SLC24A2: variants seen among roughly 807,000 people sequenced by gnomAD.
SLC24A2 encodes sodium/potassium/calcium exchanger 2.
A neutral mutation model predicts 62.0 loss-of-function variants in SLC24A2; 36 were observed. The ratio of observed to expected loss-of-function variants is 0.58; its 90% CI spans 0.44 to 0.77. The LOEUF is 0.77. SLC24A2 is among the 30% of genes least tolerant of loss of function. SLC24A2 has a pLI of 0.00. For missense variants in SLC24A2, 846 were observed against 817.9 expected (o/e 1.03, Z -0.42); for synonymous variants, 358 against 294.0 (o/e 1.22, Z -2.23).
the SLC24A2 span, among the ~76,000 whole-genome samples, chr9:19,996,900 G>A: frequency 1.3e-5 from 2 of 152,036 alleles, no homozygotes; most frequent in African/African-American, 4.8e-5. Flanking sequence ...ATTAAACTAA[G>A]TAGCAACATT....
the SLC24A2 span, among the ~76,000 whole-genome samples, chr9:20,149,117 T>C: frequency 6.6e-6 from 1 of 152,038 alleles, no homozygotes; most frequent in African/African-American, 2.4e-5. Context: ...TGAGCAGATT[T>C]GTATAACAAA....
At chr9:20,089,399 T>C in the SLC24A2 span, among the ~76,000 whole-genome samples, 1 of 151,514 alleles carries the variant, frequency 6.6e-6, no homozygotes, top group African/African-American at 2.4e-5. Context: ...AATCTTAGAG[T>C]CAAACCACAA....
At chr9:20,285,359 T>C in the SLC24A2 span, among the ~76,000 whole-genome samples, 2 of 152,346 alleles carry the variant, frequency 1.3e-5, no homozygotes, top group Middle Eastern at 3.4e-3. Flanking sequence ...GACATTGATA[T>C]GCAGAGTGAA....
At chr9:19,799,690 G>A in the SLC24A2 span, among the ~76,000 whole-genome samples, 3 of 152,150 alleles carry the variant, frequency 2.0e-5, no homozygotes, top group Admixed American at 6.5e-5. Context: ...AGCATGGCTC[G>A]TAATGAAGTC....
the SLC24A2 span, among the ~76,000 whole-genome samples, chr9:20,185,052 A>T: frequency 6.6e-6 from 1 of 152,188 alleles, no homozygotes; most frequent in African/African-American, 2.4e-5. Flanking sequence ...AGCTGAACTT[A>T]CGCAAGCAGA....
At chr9:20,251,310 T>C in the SLC24A2 span, among the ~76,000 whole-genome samples, 3 of 152,020 alleles carry the variant, frequency 2.0e-5, no homozygotes, top group Non-Finnish European at 2.9e-5. Context: ...TAGTATCCTT[T>C]ATAGAAGCAG....
the SLC24A2 span, among the ~76,000 whole-genome samples, chr9:20,149,970 G>C: frequency 6.6e-6 from 1 of 152,048 alleles, no homozygotes; most frequent in Non-Finnish European, 1.5e-5. Flanking sequence ...GAACATGGTA[G>C]CATTGTCACT....
the SLC24A2 span, among the ~76,000 whole-genome samples, chr9:19,870,515 G>A: frequency 1.3e-5 from 2 of 152,036 alleles, no homozygotes; most frequent in Non-Finnish European, 2.9e-5. Flanking sequence ...TTTCTCTTGG[G>A]TATATACTTA....
intron 2 of SLC24A2, among the ~76,000 whole-genome samples, chr9:19,643,489 T>C (rs1313331292): frequency 6.6e-6 from 1 of 152,036 alleles, no homozygotes; most frequent in Non-Finnish European, 1.5e-5. Context: ...CTTTGGGGTA[T>C]ATTTCTCTGT....
At chr9:20,267,090 G>A in the SLC24A2 span, among the ~76,000 whole-genome samples, 1 of 148,984 alleles carries the variant, frequency 6.7e-6, no homozygotes, top group Non-Finnish European at 1.5e-5. Flanking sequence ...TGGTTTAACT[G>A]ACAAAACAAA....
At chr9:19,555,750 G>C (rs1010123698) in intron 7 of SLC24A2, among the ~76,000 whole-genome samples, 6 of 152,140 alleles carry the variant, frequency 3.9e-5, no homozygotes, top group African/African-American at 1.4e-4. Flanking sequence ...TTTGAGACCA[G>C]CTTGGCCAAC....
chr9:19,761,762 G>T (rs1822339028), intron 2 of SLC24A2, among the ~76,000 whole-genome samples: 1 of 152,032 alleles, frequency 6.6e-6, no homozygotes, highest in Non-Finnish European at 1.5e-5. Flanking sequence ...ATAGTTTGCT[G>T]AGAATGATGG....
the SLC24A2 span, among the ~76,000 whole-genome samples, chr9:20,092,528 G>A: frequency 7.2e-5 from 11 of 152,222 alleles, no homozygotes; most frequent in Middle Eastern, 3.4e-3. Flanking sequence ...GGACACCTCC[G>A]CTACAATATA....
chr9:20,223,915 A>G, the SLC24A2 span, among the ~76,000 whole-genome samples: 1 of 152,070 alleles, frequency 6.6e-6, no homozygotes, highest in South Asian at 2.1e-4. Context: ...GCCTCAGGAA[A>G]CTTACAATCA....
chr9:19,841,172 C>T, the SLC24A2 span, among the ~76,000 whole-genome samples: 15 of 151,902 alleles, frequency 9.9e-5, no homozygotes, highest in African/African-American at 3.1e-4. Context: ...CAAAAATGAA[C>T]AAAAAAGCAT....
chr9:20,168,461 C>G, the SLC24A2 span, among the ~76,000 whole-genome samples: 4 of 151,806 alleles, frequency 2.6e-5, no homozygotes, highest in Admixed American at 1.3e-4. Flanking sequence ...AATCATGTAT[C>G]TGCTAATTAA....
At chr9:19,690,354 T>C (rs796914754) in intron 2 of SLC24A2, among the ~76,000 whole-genome samples, 7 of 152,198 alleles carry the variant, frequency 4.6e-5, no homozygotes, top group Admixed American at 1.3e-4. Flanking sequence ...ATTCAGTAAG[T>C]AGGCCCCACC....
intron 3 of SLC24A2, among the ~76,000 whole-genome samples, chr9:19,619,893 T>C (rs1256353910): frequency 6.6e-6 from 1 of 152,222 alleles, no homozygotes; most frequent in Non-Finnish European, 1.5e-5. Context: ...AATGCATTGC[T>C]TCCCTTTTTA....
chr9:19,538,663 C>A (rs1332918137), intron 8 of SLC24A2, among the ~76,000 whole-genome samples: 1 of 127,208 alleles, frequency 7.9e-6, no homozygotes, highest in Non-Finnish European at 1.6e-5. Context: ...GTGTAAAATT[C>A]TCTTTTTTGG....
Sources: allele counts gnomAD v4.1 joint callset (sites outside exome capture counted in the v4.1 genomes callset), GRCh38; gene constraint gnomAD v4.1.1; transcripts MANE v1.5; gene names NCBI Gene and HGNC (gene_info 2026-07-23, HGNC 2026-07-21).